The following GPATCH8 variants were observed in gnomAD, a reference collection of about 807,000 sequenced individuals.
GPATCH8 encodes the protein G-patch domain containing 8.
In GPATCH8, 18 loss-of-function variants were observed where a neutral mutation model predicts 118.3. That is an observed-to-expected ratio of 0.15 (90% confidence interval 0.11 to 0.23). The LOEUF (loss-of-function observed/expected upper bound fraction) is 0.23, where lower values mean the gene tolerates loss of function less well. Ranked by LOEUF, GPATCH8 falls within the 10% of genes least tolerant of loss-of-function variation. The pLI is 1.00. For missense variants in GPATCH8, 1,631 were observed against 1,873.8 expected (o/e 0.87, Z 2.39); for synonymous variants, 659 against 684.7 (o/e 0.96, Z 0.59).
intron 6 of GPATCH8, among the ~76,000 whole-genome samples, chr17:44,421,735 T>C (rs1049559842): frequency 2.7e-5 from 4 of 148,240 alleles, no homozygotes; most frequent in African/African-American, 4.9e-5. Flanking sequence ...TCTTTTTTCT[T>C]TTTTTTTTTG....
intron 1 of GPATCH8, among the ~76,000 whole-genome samples, chr17:44,479,632 T>C (rs1322791986): frequency 6.6e-6 from 1 of 152,080 alleles, no homozygotes; most frequent in African/African-American, 2.4e-5. Flanking sequence ...GCTAGGCAAA[T>C]ATTTTCGTAG....
In GPATCH8 at chr17:44,396,766, A is replaced by AT. The variant is rs1450123064; in HGVS notation, c.*801dup. On this transcript the variant is annotated 3_prime_UTR_variant, in exon 8 of 8. Coordinates refer to ENST00000591680, the MANE Select transcript of GPATCH8 (RefSeq NM_001002909.4). ...ATTTACGTTTATAGAGTTCAGTGCAATTTTTTACATTAAAAAAATCCTATA... is the reference window on the plus strand; with the variant it reads ...ATTTACGTTTATAGAGTTCAGTGCAATTTTTTTACATTAAAAAAATCCTATA... The AT allele has an allele frequency of 6.6e-6, 3 of 453,854 alleles. No individual in the cohort carries two copies. Among genetic ancestry groups the AT allele is most frequent in the Middle Eastern group, 6.9e-4 (1 of 1,442 alleles). The allele number at this position is 453,854 out of a possible 1,614,324, so 28.1% of individuals were successfully genotyped here.
chr17:44,476,329 C>A (rs934243945), intron 1 of GPATCH8, among the ~76,000 whole-genome samples: 1 of 152,020 alleles, frequency 6.6e-6, no homozygotes, highest in African/African-American at 2.4e-5. Context: ...CTCAGCCTCC[C>A]AAGTAGCTGG....
intron 5 of GPATCH8, among the ~76,000 whole-genome samples, chr17:44,426,645 T>TA (rs2050099037): frequency 6.9e-6 from 1 of 144,444 alleles, no homozygotes; most frequent in Non-Finnish European, 1.5e-5. Context: ...ACATGCTCAC[T>TA]AAAGGAAGAT....
At chr17:44,415,177 G>A (rs1302904254) in intron 6 of GPATCH8, among the ~76,000 whole-genome samples, 1 of 152,172 alleles carries the variant, frequency 6.6e-6, no homozygotes, top group Non-Finnish European at 1.5e-5. Context: ...AGCAATGCAG[G>A]AGGGCTCTAA....
intron 1 of GPATCH8, among the ~76,000 whole-genome samples, chr17:44,495,172 A>G (rs1259372707): frequency 6.6e-6 from 1 of 152,032 alleles, no homozygotes; most frequent in Non-Finnish European, 1.5e-5. Flanking sequence ...CATCTCTACT[A>G]AAAATACAAA....
chr17:44,485,224 C>T (rs920808435), intron 1 of GPATCH8, among the ~76,000 whole-genome samples: 11 of 151,968 alleles, frequency 7.2e-5, no homozygotes, highest in African/African-American at 2.7e-4. Flanking sequence ...CCACTTCAGC[C>T]CCCCAAGTGG....
intron 6 of GPATCH8, among the ~76,000 whole-genome samples, chr17:44,414,312 A>AC (rs543066978): frequency 1.3e-5 from 2 of 150,622 alleles, no homozygotes; most frequent in African/African-American, 4.9e-5. Flanking sequence ...AATTTACCCC[A>AC]CCCCCCTTTT....
intron 6 of GPATCH8, among the ~76,000 whole-genome samples, chr17:44,416,819 G>C (rs1376012850): frequency 6.6e-6 from 1 of 152,130 alleles, no homozygotes; most frequent in Admixed American, 6.5e-5. Flanking sequence ...GGCTGCTAGA[G>C]GCTTCATCTG....
chr17:44,497,529 C>T (rs979661301), intron 1 of GPATCH8, among the ~76,000 whole-genome samples: 5 of 151,882 alleles, frequency 3.3e-5, no homozygotes, highest in African/African-American at 7.3e-5. Flanking sequence ...TCAAGGCTGC[C>T]AGGAGCCATG....
intron 1 of GPATCH8, among the ~76,000 whole-genome samples, chr17:44,493,060 T>G (rs1449892855): frequency 6.7e-6 from 1 of 149,248 alleles, no homozygotes; most frequent in Admixed American, 6.7e-5. Context: ...TTAGGTTTTT[T>G]TTTTTTTTTT....
intron 6 of GPATCH8, chr17:44,409,256 T>A (rs2049344277): frequency 1.3e-5 from 2 of 152,136 alleles, no homozygotes; most frequent in Admixed American, 1.3e-4. Context: ...AGACACCCAA[T>A]CAGCATAGCG....
chr17:44,489,062 A>G (rs1314151684), intron 1 of GPATCH8, among the ~76,000 whole-genome samples: 2 of 152,062 alleles, frequency 1.3e-5, no homozygotes, highest in African/African-American at 4.8e-5. Flanking sequence ...CCCATCTCAA[A>G]AAAAACAAAA....
intron 1 of GPATCH8, among the ~76,000 whole-genome samples, chr17:44,494,201 C>T (rs1305083990): frequency 6.6e-6 from 1 of 152,174 alleles, no homozygotes; most frequent in Non-Finnish European, 1.5e-5. Flanking sequence ...AATCTACAAT[C>T]CATTGATCCT....
intron 3 of GPATCH8, among the ~76,000 whole-genome samples, chr17:44,437,965 CA>C (rs1598488598): frequency 8.8e-6 from 1 of 113,814 alleles, no homozygotes; most frequent in South Asian, 2.6e-4. Context: ...AAAAACAAAA[CA>C]ACAACTTCTA....
intron 1 of GPATCH8, among the ~76,000 whole-genome samples, chr17:44,485,276 T>C (rs905855870): frequency 2.0e-5 from 3 of 152,110 alleles, no homozygotes; most frequent in Non-Finnish European, 4.4e-5. Flanking sequence ...TCTAATGTTT[T>C]CATTTAAAAA....
At chr17:44,468,978 G>A (rs907798432) in intron 2 of GPATCH8, among the ~76,000 whole-genome samples, 8 of 152,014 alleles carry the variant, frequency 5.3e-5, no homozygotes, top group Admixed American at 1.3e-4. Context: ...GTGGCTGTGC[G>A]GCCTGTTCTT....
chr17:44,417,926 A>G lies in GPATCH8; in HGVS notation c.492+6423T>C, dbSNP rs1281956585. On this transcript the variant is annotated intron_variant, in intron 6 of 7. Transcript: ENST00000591680. ...GATAAGCCAAAGCCTAAATTATGTAAAATTGAATTTTTAAAATTTGGGAAT... is the reference window on the plus strand; with the variant it reads ...GATAAGCCAAAGCCTAAATTATGTAGAATTGAATTTTTAAAATTTGGGAAT... Among the ~76,000 whole-genome samples, 3 of 152,336 alleles carry G rather than the reference A, an allele frequency of 2.0e-5. No individual in the cohort carries two copies. In the South Asian group the frequency reaches 6.2e-4, roughly 32 times the overall value.
In GPATCH8 at chr17:44,399,405, T is replaced by A; in HGVS notation, c.2672A>T (p.Asp891Val). The A allele has an allele frequency of 6.2e-7, 1 of 1,614,126 alleles. No homozygotes were observed. Among genetic ancestry groups the A allele is most frequent in the South Asian group, 1.1e-5 (1 of 91,086 alleles). The stretch of plus-strand genomic sequence containing the variant: ...GTCACTGTAGTCACTGTAGCTGTCA[T>A]CAGAGTAACTGCGCTGTCTACTATA... ...SCYSRQRSYS[D>V]DSYSDYSDRS... Residue 891 changes from aspartate to valine, a missense_variant, in exon 8 of 8, where the codon GAT (aspartate) becomes GTT (valine). Physicochemically the swap from Asp to Val is radical, Grantham distance 152. Around this residue, in one of 8 missense-constraint regions of GPATCH8, gnomAD observed 922 missense variants for 879.7 expected, o/e 1.05. Transcript: ENST00000591680.
Sources: allele counts gnomAD v4.1 joint callset (sites outside exome capture counted in the v4.1 genomes callset), GRCh38; gene constraint gnomAD v4.1.1; regional missense constraint gnomAD v4.1.1; transcripts MANE v1.5; gene names NCBI Gene and HGNC (gene_info 2026-07-23, HGNC 2026-07-21).